The following ZNF710 variants were observed in gnomAD, a reference collection of about 807,000 sequenced individuals.
ZNF710 encodes zinc finger protein 710.
Under a neutral mutation model 50.6 loss-of-function variants are expected in ZNF710, and 13 were observed. The observed-to-expected ratio is 0.26, with a 90% CI of 0.17 to 0.41. The LOEUF (loss-of-function observed/expected upper bound fraction) is 0.41, where lower values mean the gene tolerates loss of function less well. Among genes scored for constraint, ZNF710 ranks in the 10% least tolerant of loss-of-function variants. ZNF710 has a pLI of 1.00. For missense variants in ZNF710, 721 were observed against 936.6 expected (o/e 0.77, Z 3.01); for synonymous variants, 383 against 397.0 (o/e 0.96, Z 0.42).
intron 1 of ZNF710, among the ~76,000 whole-genome samples, chr15:90,015,351 G>C (rs1898423861): frequency 6.6e-6 from 1 of 152,156 alleles, no homozygotes; most frequent in African/African-American, 2.4e-5. Flanking sequence ...GTTGATAGAG[G>C]TGTAAATCAG....
In ZNF710 at chr15:90,040,417, C is replaced by A. The variant is rs1567230661; in HGVS notation, c.-28-26693C>A. Among the ~76,000 whole-genome samples, 2 of 151,570 alleles carry A rather than the reference C, an allele frequency of 1.3e-5. No homozygotes were observed. On this transcript the variant is annotated intron_variant, in intron 1 of 4. Coordinates refer to ENST00000268154, the MANE Select transcript of ZNF710 (RefSeq NM_198526.4). This position sits in a 1 kb window ranked among gnomAD's most constrained non-coding sequence, Gnocchi z 4.6. Reference sequence around the variant, plus strand: ...AAGGTACAAGCCCTCCAGCCTCTTCCACCCAAATGTGTCACCTTGGGCAGC... The same window carrying A: ...AAGGTACAAGCCCTCCAGCCTCTTCAACCCAAATGTGTCACCTTGGGCAGC...
chr15:90,071,363 C>T (rs1900377373), intron 2 of ZNF710, among the ~76,000 whole-genome samples: 1 of 151,700 alleles, frequency 6.6e-6, no homozygotes. Context: ...TCCCTATTAT[C>T]AGCCTAAATT....
intron 1 of ZNF710, among the ~76,000 whole-genome samples, chr15:90,063,242 G>T (rs986428298): frequency 2.6e-5 from 4 of 152,136 alleles, no homozygotes; most frequent in Admixed American, 2.6e-4. Context: ...GCACAGATGG[G>T]ACCCAGCTGT....
chr15:90,062,161 C>T lies in ZNF710; in HGVS notation c.-28-4949C>T, dbSNP rs976572005. ...CCTCATTCTCTCTCCCTCCCCCTCA[C>T]TCAGGCTCCTCCTCTGCCCCCCCTT... On this transcript the variant is annotated intron_variant, in intron 1 of 4. Transcript: ENST00000268154. This position sits in a 1 kb window ranked among gnomAD's most constrained non-coding sequence, Gnocchi z 5.6. 1.3e-5 allele frequency among the ~76,000 whole-genome samples: 2 copies of T among 151,092 alleles called. No homozygotes were observed. Among genetic ancestry groups the T allele is most frequent in the Non-Finnish European group, 3.0e-5 (2 of 67,742 alleles).
rs146239395 is a variant in ZNF710 at position 90,068,476 on chromosome 15, C to T, written c.1339C>T (p.Arg447Cys). 7 of 1,613,992 alleles carry T rather than the reference C, an allele frequency of 4.3e-6. No homozygotes were observed. The highest frequency in any genetic ancestry group is 1.7e-5 in the Admixed American group (1 of 60,012). ...CLECDKSFHY[R>C]SQLQNHMLKH... The stretch of plus-strand genomic sequence containing the variant: ...CGAGTGTGACAAGTCCTTCCACTAC[C>T]GCAGCCAGTTGCAGAACCACATGCT... Residue 447 changes from arginine (R) to cysteine (C), a missense_variant, in exon 2 of 5, where the codon CGC becomes TGC. Arg to Cys is a radical substitution (Grantham distance 180, BLOSUM62 -3). Transcript: ENST00000268154. This position sits in a 1 kb window ranked among gnomAD's most constrained non-coding sequence, Gnocchi z 5.0.
intron 1 of ZNF710, chr15:90,025,404 A>G (rs1339829821): frequency 6.6e-6 from 1 of 152,188 alleles, no homozygotes; most frequent in African/African-American, 2.4e-5. Flanking sequence ...AGTCAACCTT[A>G]TGGTTTATGT....
intron 1 of ZNF710, among the ~76,000 whole-genome samples, chr15:90,023,778 A>G (rs1040405826): frequency 1.3e-5 from 2 of 152,322 alleles, no homozygotes; most frequent in African/African-American, 4.8e-5. Context: ...CAGGTGGATC[A>G]TTGAGCTCAG....
rs557842020 is a variant in ZNF710, at chr15:90,021,022, T to A, written c.-29+19408T>A. ...AGAGGGTGTGGCACCCCCCCCCCCT[T>A]AGCAGCCTGGGGGACGTCAGCTCCA... On this transcript the variant is annotated intron_variant, in intron 1 of 4. Coordinates refer to ENST00000268154, the MANE Select transcript of ZNF710 (RefSeq NM_198526.4). Among the ~76,000 whole-genome samples the A allele has an allele frequency of 2.6e-3, 372 of 143,272 alleles. 2 individuals are homozygous for A. Among genetic ancestry groups the A allele is most frequent in the African/African-American group, 0.01 (341 of 33,696 alleles). 94.0% of individuals were successfully genotyped at this position (143,272 alleles called of 152,430 possible).
intron 1 of ZNF710, among the ~76,000 whole-genome samples, chr15:90,027,922 A>C (rs1385589153): frequency 6.6e-6 from 1 of 152,190 alleles, no homozygotes; most frequent in Non-Finnish European, 1.5e-5. Context: ...GCCCGACCTA[A>C]AGAAAATGCC....
chr15:90,034,428 C>CTGTG lies in ZNF710; in HGVS notation c.-28-32638_-28-32635dup, dbSNP rs398028304. Among the ~76,000 whole-genome samples the CTGTG allele has an allele frequency of 0.05, 6,806 of 136,172 alleles. 212 individuals are homozygous for CTGTG. The highest frequency in any genetic ancestry group is 0.059 in the Non-Finnish European group (3,657 of 62,164). 89.3% of individuals were successfully genotyped at this position (136,172 alleles called of 152,430 possible). ...AGCTGTCCTTCCTGTTTCCAAATTC[C>CTGTG]TGTGTGTGTGTGTGTGTGTGTGTGT... On this transcript the variant is annotated intron_variant, in intron 1 of 4. Transcript: ENST00000268154. The surrounding 1 kb of genome is among the most constrained non-coding windows in gnomAD (Gnocchi z 4.0).
chr15:90,059,866 C>T lies in ZNF710; in HGVS notation c.-28-7244C>T, dbSNP rs770803877. On this transcript the variant is annotated intron_variant, in intron 1 of 4. Coordinates refer to ENST00000268154, the MANE Select transcript of ZNF710 (RefSeq NM_198526.4). This position sits in a 1 kb window ranked among gnomAD's most constrained non-coding sequence, Gnocchi z 4.1. ...GAAATCCCGTGCATGTTTTTCACAG[C>T]GGGTGTACAGGCCTGGAACTTCCTC... Among the ~76,000 whole-genome samples, 1 of 152,224 alleles carries T rather than the reference C, an allele frequency of 6.6e-6. No homozygotes were observed. The highest frequency in any genetic ancestry group is 2.4e-5 in the African/African-American group (1 of 41,452).
chr15:90,074,006 A>C (rs555756448), intron 3 of ZNF710, 110 bp from the exon 4 acceptor site: 9 of 1,235,992 alleles, frequency 7.3e-6, no homozygotes, highest in South Asian at 5.0e-5. Context: ...AAAACAAAAA[A>C]AAAAAACAAA....
At chr15:90,006,358 G>A (rs957494820) in intron 1 of ZNF710, among the ~76,000 whole-genome samples, 4 of 152,178 alleles carry the variant, frequency 2.6e-5, no homozygotes, top group African/African-American at 9.7e-5. Context: ...ACCAGAGGCT[G>A]TTTGCCACAT....
chr15:90,044,574 C>T (rs1336723958), intron 1 of ZNF710, among the ~76,000 whole-genome samples: 1 of 152,228 alleles, frequency 6.6e-6, no homozygotes, highest in Non-Finnish European at 1.5e-5. Flanking sequence ...TCCCACGCAT[C>T]AGAGGGATTT....
chr15:90,006,271 G>T (rs111934210), intron 1 of ZNF710, among the ~76,000 whole-genome samples: 2 of 152,116 alleles, frequency 1.3e-5, no homozygotes, highest in African/African-American at 4.8e-5. Flanking sequence ...TGCTTTTCAG[G>T]TTAAAGTTTA....
chr15:90,038,237 A>C (rs1899188911), intron 1 of ZNF710, among the ~76,000 whole-genome samples: 1 of 152,220 alleles, frequency 6.6e-6, no homozygotes, highest in Non-Finnish European at 1.5e-5. Context: ...GCAGGTTGGG[A>C]AACAAGCCAA....
intron 1 of ZNF710, among the ~76,000 whole-genome samples, chr15:90,058,713 A>G (rs1481842515): frequency 4.1e-5 from 6 of 146,844 alleles, no homozygotes; most frequent in African/African-American, 1.6e-4. Flanking sequence ...ATATATATAT[A>G]TATATACACA....
intron 1 of ZNF710, among the ~76,000 whole-genome samples, chr15:90,006,186 G>A (rs904623255): frequency 6.6e-6 from 1 of 152,096 alleles, no homozygotes; most frequent in African/African-American, 2.4e-5. Context: ...TGTTCCTCAA[G>A]CAGAGTGGCT....
intron 1 of ZNF710, among the ~76,000 whole-genome samples, chr15:90,003,936 G>A (rs1898076797): frequency 6.6e-6 from 1 of 151,948 alleles, no homozygotes; most frequent in South Asian, 2.1e-4. Context: ...GGATGTTTGG[G>A]TCACATTTTC....
Sources: gnomAD v4.1 joint callset for allele counts (sites outside exome capture counted in the v4.1 genomes callset) on GRCh38, gnomAD v4.1.1 for gene constraint, Gnocchi (gnomAD v3.1) non-coding constraint, MANE v1.5 for transcripts, NCBI Gene and HGNC (gene_info 2026-07-23, HGNC 2026-07-21) for gene names.